WDR31: variants seen among roughly 807,000 people sequenced by gnomAD.
WDR31 encodes the protein WD repeat-containing protein 31.
WDR31 carries 30 observed loss-of-function variants against 47.3 expected under a neutral mutation model. The ratio of observed to expected loss-of-function variants is 0.63; its 90% CI spans 0.47 to 0.86. The LOEUF is 0.86. Among genes scored for constraint, WDR31 ranks in the 40% least tolerant of loss-of-function variants. The pLI is 0.00. For synonymous variants in WDR31, 137 were observed against 159.4 expected, an observed-to-expected ratio of 0.86 and a Z score of 1.06; for missense variants, 406 against 442.9, an observed-to-expected ratio of 0.92 and a Z score of 0.75.
chr9:113,331,815 C>T, intron 3 of WDR31, 92 bp downstream of exon 3: 1 of 1,176,006 alleles, frequency 8.5e-7, no homozygotes, highest in South Asian at 1.3e-5. Flanking sequence ...CAGGGAAGGC[C>T]ATCAACATTC....
At chr9:113,335,749 C>T (rs1271334154) in intron 2 of WDR31, among the ~76,000 whole-genome samples, 2 of 152,178 alleles carry the variant, frequency 1.3e-5, no homozygotes, top group Non-Finnish European at 2.9e-5. Context: ...CCAGCCCTGC[C>T]TCATCCCATT....
Position 113,316,726 on chromosome 9 carries a change from T to C in WDR31, c.*23A>G, listed in dbSNP as rs1311544356. 2 of 1,606,774 alleles carry C rather than the reference T, an allele frequency of 1.2e-6. No individual in the cohort carries two copies. Among genetic ancestry groups the C allele is most frequent in the Non-Finnish European group, 1.7e-6 (2 of 1,175,984 alleles). Reference sequence around the variant, plus strand: ...CTGAGGAGGAGCCATGGTTTGATATTGTCCAGTGAGTGTCTCTTGGCCTCA... The same window carrying C: ...CTGAGGAGGAGCCATGGTTTGATATCGTCCAGTGAGTGTCTCTTGGCCTCA... On this transcript the variant is annotated 3_prime_UTR_variant, in exon 11 of 11. Transcript: ENST00000374193.
At chr9:113,319,481 G>T (rs1833279986) in intron 9 of WDR31, among the ~76,000 whole-genome samples, 1 of 152,106 alleles carries the variant, frequency 6.6e-6, no homozygotes, top group African/African-American at 2.4e-5. Context: ...CTAACTCATG[G>T]GGTTGTTTTT....
chr9:113,330,516 G>C (rs1588047876), intron 4 of WDR31, among the ~76,000 whole-genome samples: 2 of 152,192 alleles, frequency 1.3e-5, no homozygotes, highest in South Asian at 4.1e-4. Context: ...TGGGAGGAAG[G>C]AAGACAAAAA....
At chr9:113,326,336 TAC>T (rs919061539) in intron 5 of WDR31, among the ~76,000 whole-genome samples, 1 of 152,190 alleles carries the variant, frequency 6.6e-6, no homozygotes, top group East Asian at 1.9e-4. Flanking sequence ...TCTCCGCACA[TAC>T]AGATTCTTTT....
At position 113,316,552 on chromosome 9, in the gene WDR31, T is replaced by C; in HGVS notation, c.*197A>G. The C allele has an allele frequency of 3.4e-6, 2 of 592,360 alleles. No individual in the cohort carries two copies. The highest frequency in any genetic ancestry group is 2.8e-6 in the Non-Finnish European group (1 of 356,676). 36.7% of individuals were successfully genotyped at this position (592,360 alleles called of 1,614,324 possible). Reference sequence around the variant, plus strand: ...AATAGAGAACCTTATGTGTAGTCCATGTTTCTGGACTCTATACCTGATTTT... The same window carrying C: ...AATAGAGAACCTTATGTGTAGTCCACGTTTCTGGACTCTATACCTGATTTT... On this transcript the variant is annotated 3_prime_UTR_variant, in exon 11 of 11. Coordinates refer to ENST00000374193, the MANE Select transcript of WDR31 (RefSeq NM_001012361.4).
chr9:113,329,367 G>A (rs1406226766), intron 4 of WDR31, among the ~76,000 whole-genome samples: 3 of 151,772 alleles, frequency 2.0e-5, no homozygotes, highest in South Asian at 2.1e-4. Context: ...CAAGCTGGGC[G>A]CAGTGGCTCA....
chr9:113,339,263 G>T (rs12337123), intron 1 of WDR31, among the ~76,000 whole-genome samples: 1 of 152,066 alleles, frequency 6.6e-6, no homozygotes, highest in Non-Finnish European at 1.5e-5. Flanking sequence ...GTACCTATCC[G>T]ACTGTTCTAT....
chr9:113,326,632 A>C (rs930462508), intron 5 of WDR31, among the ~76,000 whole-genome samples: 3 of 151,988 alleles, frequency 2.0e-5, no homozygotes, highest in Admixed American at 6.6e-5. Context: ...ATGACCACCG[A>C]ATATATTTGT....
chr9:113,321,383 G>T, intron 8 of WDR31, 128 bp downstream of exon 8: 2 of 894,056 alleles, frequency 2.2e-6, no homozygotes, highest in Non-Finnish European at 3.5e-6. Flanking sequence ...CACCAGTGAA[G>T]GGCAGAGGAA....
chr9:113,335,418 G>C (rs1480043858), intron 2 of WDR31, among the ~76,000 whole-genome samples: 1 of 152,200 alleles, frequency 6.6e-6, no homozygotes, highest in Admixed American at 6.5e-5. Flanking sequence ...GGGGCAGTGG[G>C]AGCACCCAGT....
At chr9:113,339,450 G>C (rs1007585096) in intron 1 of WDR31, among the ~76,000 whole-genome samples, 4 of 152,148 alleles carry the variant, frequency 2.6e-5, no homozygotes, top group Non-Finnish European at 5.9e-5. Context: ...GGAGACCAAG[G>C]CATCTTTAGT....
In WDR31 at chr9:113,337,996, T is replaced by C. The variant is rs548125771; in HGVS notation, c.-181-1556A>G. ...ATAAGTGGCAGAGCTGAAACTTGAA[T>C]CCAGGCAGTCCAACTCCAGAGGCCC... On this transcript the variant is annotated intron_variant, in intron 1 of 10. Transcript: ENST00000374193. Among the ~76,000 whole-genome samples, 5 of 152,300 alleles carry C rather than the reference T, an allele frequency of 3.3e-5. No individual in the cohort carries two copies. The East Asian group carries it at 7.7e-4, about 23-fold the overall frequency.
rs1389763634 is a variant in WDR31 at position 113,331,016 on chromosome 9, A to C, written c.217T>G (p.Ser73Ala). The C allele has an allele frequency of 6.2e-7, 1 of 1,611,772 alleles. No individual in the cohort carries two copies. Among genetic ancestry groups the C allele is most frequent in the Admixed American group, 1.7e-5 (1 of 60,008 alleles). ...TTCCCTCCAGAGACACAAAGGTCTGAGTTCAAAGCAGCCACGACAGAGACG... is the reference window on the plus strand; with the variant it reads ...TTCCCTCCAGAGACACAAAGGTCTGCGTTCAAAGCAGCCACGACAGAGACG... ...DTVSVVAALNSDLCVSGGKDK... is the reference protein window; with the variant it reads ...DTVSVVAALNADLCVSGGKDK... Residue 73 changes from serine (S) to alanine (A), a missense_variant, in exon 4 of 11, where the codon TCA (serine) becomes GCA (alanine). Physicochemically the swap from Ser to Ala is moderately conservative, Grantham distance 99. Transcript: ENST00000374193.
intron 1 of WDR31, among the ~76,000 whole-genome samples, chr9:113,340,010 C>A (rs1833796091): frequency 6.6e-6 from 1 of 152,244 alleles, no homozygotes; most frequent in Admixed American, 6.5e-5. Context: ...GCTAGGATTC[C>A]AGGCGTGAGC....
intron 1 of WDR31, among the ~76,000 whole-genome samples, chr9:113,339,127 C>T (rs1281479443): frequency 6.6e-6 from 1 of 152,304 alleles, no homozygotes; most frequent in Non-Finnish European, 1.5e-5. Flanking sequence ...AATCCCATCA[C>T]TTCTTTCTAT....
rs760464535 is a variant in WDR31 at position 113,323,075 on chromosome 9, G to A, written c.405C>T (p.Ser135=). ...CACACAATTGCTGCCTTGGTTGTGA[G>A]GAACCGTGCAAGTCCCACATCATGA... is the stretch of plus-strand genomic sequence containing the variant. ...RMVMMWDLHG[S]SQPRQQLCGH... is the part of the protein sequence containing the mutation. Residue 135 remains serine (S), a synonymous_variant, in exon 6 of 11, where the codon TCC becomes TCT. Coordinates refer to ENST00000374193, the MANE Select transcript of WDR31 (RefSeq NM_001012361.4). 3 of 1,614,074 alleles carry A rather than the reference G, an allele frequency of 1.9e-6. No individual in the cohort carries two copies. Among genetic ancestry groups the A allele is most frequent in the Non-Finnish European group, 1.7e-6 (2 of 1,180,040 alleles).
chr9:113,324,389 C>CT (rs536508042), intron 5 of WDR31, among the ~76,000 whole-genome samples: 22,119 of 129,092 alleles, frequency 0.17, 2,226 homozygotes, highest in Non-Finnish European at 0.22. Context: ...AATTTCATTC[C>CT]TTTTTTTTTT....
chr9:113,318,785 A>C, intron 9 of WDR31, 148 bp from the exon 10 acceptor site: 1 of 773,110 alleles, frequency 1.3e-6, no homozygotes, highest in Non-Finnish European at 2.1e-6. Flanking sequence ...CACAGACCCA[A>C]CAACCCATCC....
Sources: allele counts gnomAD v4.1 joint callset (sites outside exome capture counted in the v4.1 genomes callset), GRCh38; gene constraint gnomAD v4.1.1; transcripts MANE v1.5; gene names NCBI Gene and HGNC (gene_info 2026-07-23, HGNC 2026-07-21).